Variants in SNRNP200 observed in about 807,000 individuals in gnomAD.
SNRNP200 encodes small nuclear ribonucleoprotein U5 subunit 200, also known as U5 small nuclear ribonucleoprotein 200 kDa helicase.
A neutral mutation model predicts 255.2 loss-of-function variants in SNRNP200; 66 were observed. The ratio of observed to expected loss-of-function variants is 0.26; its 90% CI spans 0.21 to 0.32. The LOEUF (loss-of-function observed/expected upper bound fraction) is 0.32. Among genes scored for constraint, SNRNP200 ranks in the 10% least tolerant of loss-of-function variants. The pLI, the probability that SNRNP200 is intolerant of heterozygous loss-of-function variation, is 1.00. For missense variants in SNRNP200, 1,585 were observed against 2,749.8 expected (o/e 0.58, Z 9.47); for synonymous variants, 939 against 1,027.8 (o/e 0.91, Z 1.65).
chr2:96,305,354 A>G (rs754893128), intron 1 of SNRNP200, 39 bp downstream of exon 1: 2 of 1,612,238 alleles, frequency 1.2e-6, no homozygotes, highest in Admixed American at 3.3e-5. Context: ...TCCCCATTGG[A>G]CTCCTGAGCC....
rs766635407 is a variant in SNRNP200 at position 96,290,030 on chromosome 2, GAA to G, written c.2743-36_2743-35del. 1.5e-4 allele frequency: 241 copies of G among 1,599,776 alleles called. No homozygotes were observed. The highest frequency in any genetic ancestry group is 2.0e-4 in the Non-Finnish European group (230 of 1,167,100). Reference sequence around the variant, plus strand: ...CACAGCTCATGGTTCTTAGCATGGAGAAACTCTTGATGTCCAAATGACAGGCT... The same window carrying G: ...CACAGCTCATGGTTCTTAGCATGGAGACTCTTGATGTCCAAATGACAGGCT... On this transcript the variant is annotated intron_variant, in intron 20 of 44. Transcript: ENST00000323853. The surrounding 1 kb of genome is among the most constrained non-coding windows in gnomAD (Gnocchi z 4.5).
At chr2:96,281,960 G>T in intron 34 of SNRNP200, 38 bp from the exon 35 acceptor site, 1 of 1,519,842 alleles carries the variant, frequency 6.6e-7, no homozygotes, top group Non-Finnish European at 9.1e-7. Flanking sequence ...GAGGGCAGGG[G>T]TCTCCGGGTG....
chr2:96,280,309 C>A (rs1684736986), intron 35 of SNRNP200, among the ~76,000 whole-genome samples: 1 of 152,062 alleles, frequency 6.6e-6, no homozygotes, highest in Admixed American at 6.5e-5. Flanking sequence ...CCAGCCTGGG[C>A]AACATGGTGA....
At chr2:96,288,516 G>C (rs2063857797) in intron 24 of SNRNP200, 147 bp downstream of exon 24, 1 of 727,124 alleles carries the variant, frequency 1.4e-6, no homozygotes, top group Admixed American at 2.0e-5. Flanking sequence ...TACCACACAT[G>C]CACCAACCAA....
At chr2:96,288,404 G>A (rs144652232) in intron 24 of SNRNP200, among the ~76,000 whole-genome samples, 3 of 152,330 alleles carry the variant, frequency 2.0e-5, no homozygotes, top group African/African-American at 4.8e-5. Context: ...ACTGCGTGCT[G>A]TGGCTCTTCC....
intron 21 of SNRNP200, 135 bp from the exon 22 acceptor site, chr2:96,289,514 T>C (rs1395477907): frequency 6.3e-6 from 6 of 950,362 alleles, no homozygotes; most frequent in Non-Finnish European, 9.9e-6. Flanking sequence ...GTCATTATTG[T>C]CCTAATAGGA....
In SNRNP200 at chr2:96,298,342, G is replaced by A. The variant is rs1161612446; in HGVS notation, c.1061C>T (p.Pro354Leu). 18 of 1,613,984 alleles carry A rather than the reference G, an allele frequency of 1.1e-5. No individual in the cohort carries two copies. The highest frequency in any genetic ancestry group is 1.4e-5 in the Non-Finnish European group (17 of 1,180,034). The change falls in exon 9 of 45, where the codon CCA (proline) becomes CTA (leucine). Residue 354 changes from proline (P) to leucine (L), a missense_variant. By Grantham distance (98) the Pro-to-Leu change is moderately conservative. Coordinates refer to ENST00000323853, the MANE Select transcript of SNRNP200 (RefSeq NM_014014.5). ...ERIMGKMEAD[P>L]ELSKFLYQLH... ...CTGGTAGAGGAACTTGGATAGCTCT[G>A]GGTCAGCTTCCATCTTTCCCATAAT...
chr2:96,297,205 T>C lies in SNRNP200; in HGVS notation c.1378-135A>G, dbSNP rs528447209. 1.0e-4 allele frequency: 153 copies of C among 1,491,680 alleles called. No homozygotes were observed. The Middle Eastern group carries it at 3.2e-3, about 31-fold the overall frequency. 92.4% of individuals were successfully genotyped at this position (1,491,680 alleles called of 1,614,324 possible). ...CATTAAAGGTCAGTCCAGAGATCAATATTGTCCCCTGGGCTCAAAATCAGA... is the reference window on the plus strand; with the variant it reads ...CATTAAAGGTCAGTCCAGAGATCAACATTGTCCCCTGGGCTCAAAATCAGA... On this transcript the variant is annotated intron_variant, in intron 11 of 44. Transcript: ENST00000323853.
chr2:96,286,897 T>TA lies in SNRNP200; in HGVS notation c.3640-21dup. The TA allele has an allele frequency of 1.2e-6, 2 of 1,613,974 alleles. No individual in the cohort carries two copies. Among genetic ancestry groups the TA allele is most frequent in the Non-Finnish European group, 1.7e-6 (2 of 1,179,980 alleles). Reference sequence around the variant, plus strand: ...ATGCACCTGCCAACAGGAGCAAGGGTAAAAGGAATGTGAGTCAACGTAGAC... The same window carrying TA: ...ATGCACCTGCCAACAGGAGCAAGGGTAAAAAGGAATGTGAGTCAACGTAGAC... On this transcript the variant is annotated intron_variant, in intron 27 of 44. Transcript: ENST00000323853. The surrounding 1 kb of genome is among the most constrained non-coding windows in gnomAD (Gnocchi z 4.8).
chr2:96,289,600 T>C (rs1041112870), intron 21 of SNRNP200, among the ~76,000 whole-genome samples, 199 bp downstream of exon 21: 3 of 152,006 alleles, frequency 2.0e-5, no homozygotes, highest in African/African-American at 4.8e-5. Context: ...AGCTGACCCA[T>C]AGTGAAATGA....
In SNRNP200 at chr2:96,277,523, G is replaced by A; in HGVS notation, c.5931+16C>T. 2 of 1,612,194 alleles carry A rather than the reference G, an allele frequency of 1.2e-6. No individual in the cohort carries two copies. The highest frequency in any genetic ancestry group is 1.7e-6 in the Non-Finnish European group (2 of 1,180,000). On this transcript the variant is annotated intron_variant, in intron 41 of 44. Coordinates refer to ENST00000323853, the MANE Select transcript of SNRNP200 (RefSeq NM_014014.5). The surrounding 1 kb of genome is among the most constrained non-coding windows in gnomAD (Gnocchi z 4.4). The stretch of plus-strand genomic sequence containing the variant: ...TCAGGCTCACCCACCTGACCCTCTA[G>A]GCTGACCCGGCTCACCTTGTCTGTG...
Position 96,276,985 on chromosome 2 carries a change from A to G in SNRNP200, c.6093T>C (p.Ser2031=). The G allele has an allele frequency of 2.5e-6, 4 of 1,614,018 alleles. No individual in the cohort carries two copies. The highest frequency in any genetic ancestry group is 3.4e-6 in the Non-Finnish European group (4 of 1,180,002). Residue 2031 remains serine, a splice_region_variant and synonymous_variant, in exon 43 of 45, where the codon AGT becomes AGC. Coordinates refer to ENST00000323853, the MANE Select transcript of SNRNP200 (RefSeq NM_014014.5). ...GCACCAGCACCACAACTGGCCCGCC[A>G]CTGCAGGGGGAGAGGAGGGGCGCAC... ...YEVVDKDSIR[S]GGPVVVLVQL...
In SNRNP200 at chr2:96,278,534, T is replaced by G. The variant is rs1684709082; in HGVS notation, c.5488+13A>C. On this transcript the variant is annotated intron_variant, in intron 38 of 44. Coordinates refer to ENST00000323853, the MANE Select transcript of SNRNP200 (RefSeq NM_014014.5). This position sits in a 1 kb window ranked among gnomAD's most constrained non-coding sequence, Gnocchi z 6.9. The stretch of plus-strand genomic sequence containing the variant: ...GCTCCCACAGACAGGACACGGGCCA[T>G]GCCGGGCCTCACCAATGGTGGTGTA... The G allele has an allele frequency of 6.2e-7, 1 of 1,613,770 alleles. No homozygotes were observed. The highest frequency in any genetic ancestry group is 1.3e-5 in the African/African-American group (1 of 75,018).
Position 96,286,044 on chromosome 2 carries a change from G to A in SNRNP200, c.4003+267C>T, listed in dbSNP as rs376642993. 2.2e-4 allele frequency among the ~76,000 whole-genome samples: 34 copies of A among 152,182 alleles called. No individual in the cohort carries two copies. Among genetic ancestry groups the A allele is most frequent in the African/African-American group, 7.5e-4 (31 of 41,444 alleles). On this transcript the variant is annotated intron_variant, in intron 29 of 44. Transcript: ENST00000323853. The surrounding 1 kb of genome is among the most constrained non-coding windows in gnomAD (Gnocchi z 4.8). ...TTCTGGTTCAATACTTGAGCGCCAG[G>A]GGCAGGCCTCTAAGCCTCCTGGGCC...
chr2:96,286,225 A>T lies in SNRNP200; in HGVS notation c.4003+86T>A. On this transcript the variant is annotated intron_variant, in intron 29 of 44. Coordinates refer to ENST00000323853, the MANE Select transcript of SNRNP200 (RefSeq NM_014014.5). This position sits in a 1 kb window ranked among gnomAD's most constrained non-coding sequence, Gnocchi z 4.8. The stretch of plus-strand genomic sequence containing the variant: ...AGCTCCCAGACCTCCCAAGTGCCTG[A>T]GCACCCCCACTCCCCTGCCTGCCAC... 7.2e-7 allele frequency: 1 copy of T among 1,389,590 alleles called. No individual in the cohort carries two copies. Among genetic ancestry groups the T allele is most frequent in the Non-Finnish European group, 1.0e-6 (1 of 976,978 alleles). The allele number at this position is 1,389,590 out of a possible 1,614,324, so 86.1% of individuals were successfully genotyped here. A position where few individuals can be genotyped will look rare whatever the true frequency, so the allele number is the denominator to read the frequency against.
At chr2:96,301,203 G>T in intron 4 of SNRNP200, 150 bp from the exon 5 acceptor site, 2 of 756,032 alleles carry the variant, frequency 2.6e-6, no homozygotes, top group South Asian at 3.0e-5. Context: ...ACATGAGAGA[G>T]CCACCTATGC....
At chr2:96,296,273 C>T (rs1400580691) in intron 13 of SNRNP200, among the ~76,000 whole-genome samples, 4 of 152,120 alleles carry the variant, frequency 2.6e-5, no homozygotes, top group African/African-American at 7.2e-5. Flanking sequence ...ACAAATGATA[C>T]GAACTGCAGA....
intron 16 of SNRNP200, 96 bp downstream of exon 16, chr2:96,292,876 T>G: frequency 7.0e-7 from 1 of 1,433,156 alleles, no homozygotes; most frequent in Non-Finnish European, 9.8e-7. Context: ...ATGTTGTGTC[T>G]TCTCTCTTTT....
intron 35 of SNRNP200, chr2:96,281,525 TTCCTAATCTACA>T: frequency 5.0e-6 from 2 of 401,278 alleles, no homozygotes; most frequent in South Asian, 2.1e-5. Context: ...CAAGTCACTT[TTCCTAATCTACA>T]AGATGTCTGA....
Sources: gnomAD v4.1 joint callset for allele counts (sites outside exome capture counted in the v4.1 genomes callset) on GRCh38, gnomAD v4.1.1 for gene constraint, Gnocchi (gnomAD v3.1) non-coding constraint, MANE v1.5 for transcripts, NCBI Gene and HGNC (gene_info 2026-07-23, HGNC 2026-07-21) for gene names.